FHIT: variants seen among roughly 807,000 people sequenced by gnomAD.
FHIT encodes bis(5'-adenosyl)-triphosphatase.
A neutral mutation model predicts 17.9 loss-of-function variants in FHIT; 19 were observed. That is an observed-to-expected ratio of 1.06 (90% CI 0.74 to 1.56). The LOEUF (loss-of-function observed/expected upper bound fraction) is 1.56, where lower values mean the gene tolerates loss of function less well. Ranked by LOEUF, FHIT falls within the 40% of genes most tolerant of loss-of-function variation. The pLI, the probability that FHIT is intolerant of heterozygous loss-of-function variation, is 0.00. For synonymous variants in FHIT, 81 were observed against 69.7 expected (o/e 1.16, Z -0.81); for missense variants, 248 against 189.2 (o/e 1.31, Z -1.82).
chr3:59,904,329 A>AG (rs1410605570), intron 8 of FHIT, among the ~76,000 whole-genome samples: 1 of 150,976 alleles, frequency 6.6e-6, no homozygotes, highest in Non-Finnish European at 1.5e-5. Flanking sequence ...AAAAAAAAAA[A>AG]GGAAGGCAGG....
chr3:59,825,077 G>A (rs1700928818), intron 8 of FHIT, among the ~76,000 whole-genome samples: 2 of 152,224 alleles, frequency 1.3e-5, no homozygotes, highest in Non-Finnish European at 2.9e-5. Context: ...GTTGTTTGAA[G>A]TGTTGCAGTC....
intron 5 of FHIT, among the ~76,000 whole-genome samples, chr3:60,272,300 A>G (rs1464217033): frequency 6.6e-6 from 1 of 152,234 alleles, no homozygotes; most frequent in African/African-American, 2.4e-5. Context: ...AGACAGGAAC[A>G]CAACTCTTAG....
intron 5 of FHIT, among the ~76,000 whole-genome samples, chr3:60,436,396 T>C (rs1331086880): frequency 2.6e-5 from 4 of 152,068 alleles, no homozygotes; most frequent in East Asian, 3.9e-4. Flanking sequence ...GGCATTCAGA[T>C]TGAGTAACTT....
intron 4 of FHIT, among the ~76,000 whole-genome samples, chr3:60,682,393 C>G (rs1553697147): frequency 1.3e-5 from 2 of 152,174 alleles, no homozygotes; most frequent in Admixed American, 1.3e-4. Context: ...CAGGCTGATT[C>G]TTTTGTTAGC....
intron 8 of FHIT, among the ~76,000 whole-genome samples, chr3:59,807,778 C>T (rs752780921): frequency 6.6e-6 from 1 of 151,872 alleles, no homozygotes; most frequent in African/African-American, 2.4e-5. Flanking sequence ...GGTGGGGGTG[C>T]GTGATGGTTT....
chr3:59,853,587 A>G (rs73839536), intron 8 of FHIT, among the ~76,000 whole-genome samples: 1,776 of 152,330 alleles, frequency 0.012, 17 homozygotes, highest in Admixed American at 0.032. Flanking sequence ...TAATATCACC[A>G]TGAAAGGATG....
intron 4 of FHIT, among the ~76,000 whole-genome samples, chr3:60,581,694 T>C (rs2734367): frequency 0.88 from 134,009 of 152,036 alleles, 59,240 homozygotes; most frequent in African/African-American, 0.94. Context: ...ATTCATCCTA[T>C]GTAAATGCAT....
intron 5 of FHIT, among the ~76,000 whole-genome samples, chr3:60,077,741 G>C (rs941184418): frequency 3.1e-5 from 4 of 130,764 alleles, no homozygotes; most frequent in South Asian, 4.8e-4. Context: ...TATATAGAGG[G>C]GGGGGGGAGG....
intron 4 of FHIT, among the ~76,000 whole-genome samples, chr3:60,570,366 T>C (rs1431742505): frequency 1.3e-5 from 2 of 152,172 alleles, no homozygotes; most frequent in Non-Finnish European, 2.9e-5. Context: ...ATAGCAATTT[T>C]TTTACTCGTT....
intron 5 of FHIT, among the ~76,000 whole-genome samples, chr3:60,037,153 T>A (rs1701251434): frequency 6.6e-6 from 1 of 152,240 alleles, no homozygotes; most frequent in Admixed American, 6.5e-5. Flanking sequence ...TTCGTGAATT[T>A]ATCTGATTAT....
intron 8 of FHIT, among the ~76,000 whole-genome samples, chr3:59,850,321 C>T (rs981712912): frequency 6.6e-6 from 1 of 152,186 alleles, no homozygotes; most frequent in Non-Finnish European, 1.5e-5. Context: ...CCAACATCTA[C>T]TTTAATTCCT....
chr3:60,470,111 C>T (rs2033014660), intron 5 of FHIT, among the ~76,000 whole-genome samples: 1 of 147,838 alleles, frequency 6.8e-6, no homozygotes. Flanking sequence ...GGAGGGGTGA[C>T]ACAAGCACTC....
At chr3:60,130,056 T>C (rs1052787954) in intron 5 of FHIT, among the ~76,000 whole-genome samples, 3 of 152,242 alleles carry the variant, frequency 2.0e-5, no homozygotes, top group Admixed American at 6.5e-5. Flanking sequence ...TTTGGTGATA[T>C]GCCATTCCTC....
intron 5 of FHIT, among the ~76,000 whole-genome samples, chr3:60,415,765 A>C (rs1438321693): frequency 6.6e-6 from 1 of 150,470 alleles, no homozygotes; most frequent in Non-Finnish European, 1.5e-5. Context: ...ATCATGGATT[A>C]GCTATGTGAA....
In FHIT at chr3:60,276,333, G is replaced by C. The variant is rs546813999; in HGVS notation, c.103+260527C>G. 2.6e-5 allele frequency among the ~76,000 whole-genome samples: 4 copies of C among 152,238 alleles called. No individual in the cohort carries two copies. In the East Asian group the frequency reaches 7.7e-4, roughly 29 times the overall value. On this transcript the variant is annotated intron_variant, in intron 5 of 9. Coordinates refer to ENST00000492590, the MANE Select transcript of FHIT (RefSeq NM_002012.4). ...ACAATGTTTCCTTCTGGAGACAGAG[G>C]AAGTCCAGCAGATGAAGTCTAAAAT...
At chr3:60,192,697 G>C (rs1702460166) in intron 5 of FHIT, among the ~76,000 whole-genome samples, 2 of 152,012 alleles carry the variant, frequency 1.3e-5, no homozygotes, top group Admixed American at 1.3e-4. Flanking sequence ...TGAACTTCTG[G>C]ATATGTATCT....
Position 60,914,465 on chromosome 3 carries a change from A to G in FHIT, c.-110-92454T>C, listed in dbSNP as rs143251145. Among the ~76,000 whole-genome samples, 97 of 152,054 alleles carry G rather than the reference A, an allele frequency of 6.4e-4. 1 individual carries two copies. In the East Asian group the frequency reaches 0.017, roughly 27 times the overall value. On this transcript the variant is annotated intron_variant, in intron 3 of 9. Coordinates refer to ENST00000492590, the MANE Select transcript of FHIT (RefSeq NM_002012.4). ...AGGGGAGGAGAATGGCCATGGAAGG[A>G]CGGTTGTGCAGTGAGTAAGACTTGC... is the stretch of plus-strand genomic sequence containing the variant.
chr3:59,995,690 A>C (rs1361929153), intron 7 of FHIT, among the ~76,000 whole-genome samples: 1 of 152,066 alleles, frequency 6.6e-6, no homozygotes, highest in Non-Finnish European at 1.5e-5. Flanking sequence ...GTGGATCTGG[A>C]GGGAATCTCC....
intron 3 of FHIT, among the ~76,000 whole-genome samples, chr3:60,912,982 C>T (rs913594909): frequency 6.6e-6 from 1 of 152,078 alleles, no homozygotes; most frequent in Admixed American, 6.5e-5. Context: ...AGCTGGAGAA[C>T]CTAGGAGGGT....
Sources: allele counts gnomAD v4.1 joint callset (sites outside exome capture counted in the v4.1 genomes callset), GRCh38; gene constraint gnomAD v4.1.1; transcripts MANE v1.5; gene names NCBI Gene and HGNC (gene_info 2026-07-23, HGNC 2026-07-21).